The following HDAC4 variants were observed in gnomAD, a reference collection of about 807,000 sequenced individuals.
The protein encoded by HDAC4 is histone deacetylase A.
Under a neutral mutation model 135.1 loss-of-function variants are expected in HDAC4, and 16 were observed. That is an observed-to-expected ratio of 0.12 (90% confidence interval 0.08 to 0.18). The LOEUF (loss-of-function observed/expected upper bound fraction) is 0.18, where lower values mean the gene tolerates loss of function less well. Among genes scored for constraint, HDAC4 ranks in the 10% least tolerant of loss-of-function variants. The pLI, the probability that HDAC4 is intolerant of heterozygous loss-of-function variation, is 1.00. For synonymous variants in HDAC4, 685 were observed against 653.4 expected (o/e 1.05, Z -0.74); for missense variants, 1,143 against 1,511.8 (o/e 0.76, Z 4.05).
chr2:239,316,789 C>G (rs553205226), intron 2 of HDAC4, among the ~76,000 whole-genome samples: 1 of 152,302 alleles, frequency 6.6e-6, no homozygotes, highest in South Asian at 2.1e-4. Flanking sequence ...GAAAGGGTAG[C>G]TCATGGGGAC....
At chr2:239,096,295 A>C (rs1244930823) in intron 16 of HDAC4, among the ~76,000 whole-genome samples, 1 of 151,886 alleles carries the variant, frequency 6.6e-6, no homozygotes, top group Non-Finnish European at 1.5e-5. Flanking sequence ...GAAGCTAAAC[A>C]GAGGCCTGCT....
chr2:239,290,278 A>G (rs193289466), intron 2 of HDAC4, among the ~76,000 whole-genome samples: 1 of 152,310 alleles, frequency 6.6e-6, no homozygotes. Context: ...TTCCTTAACT[A>G]TAAAGAAACA....
intron 2 of HDAC4, among the ~76,000 whole-genome samples, chr2:239,253,883 G>A (rs1289876691): frequency 1.3e-5 from 2 of 152,142 alleles, no homozygotes; most frequent in Non-Finnish European, 2.9e-5. Context: ...AGGAGAGGTG[G>A]CCATGAGCGT....
chr2:239,136,602 C>T (rs939226450), intron 9 of HDAC4, among the ~76,000 whole-genome samples: 6 of 152,160 alleles, frequency 3.9e-5, no homozygotes, highest in South Asian at 2.1e-4. Flanking sequence ...AGTGAAGAGA[C>T]GACCTGTGGG....
chr2:239,384,832 C>A (rs1459126249), intron 1 of HDAC4, among the ~76,000 whole-genome samples: 1 of 152,134 alleles, frequency 6.6e-6, no homozygotes, highest in African/African-American at 2.4e-5. Flanking sequence ...AATACAACAG[C>A]TTAAATAAAA....
At chr2:239,214,575 G>A (rs1472786283) in intron 3 of HDAC4, among the ~76,000 whole-genome samples, 2 of 152,360 alleles carry the variant, frequency 1.3e-5, no homozygotes, top group African/African-American at 4.8e-5. Context: ...ATTGGGGCCA[G>A]GTGAGGAGGC....
At chr2:239,061,035 A>G (rs2032617530) in intron 24 of HDAC4, among the ~76,000 whole-genome samples, 1 of 152,228 alleles carries the variant, frequency 6.6e-6, no homozygotes, top group Admixed American at 6.5e-5. Context: ...GCCCGGATGG[A>G]AAGAGGAGCA....
intron 24 of HDAC4, among the ~76,000 whole-genome samples, chr2:239,056,821 C>T (rs1052350042): frequency 3.3e-5 from 5 of 152,230 alleles, no homozygotes; most frequent in African/African-American, 1.2e-4. Flanking sequence ...GTCAGTGAGC[C>T]GTGCTGGCAG....
intron 3 of HDAC4, among the ~76,000 whole-genome samples, chr2:239,210,517 C>T (rs1302600789): frequency 1.3e-5 from 2 of 152,122 alleles, no homozygotes; most frequent in Non-Finnish European, 2.9e-5. Flanking sequence ...TGGTGAATGG[C>T]TTTACTACAA....
chr2:239,059,018 CAGTGCAATTTGTT>C (rs1349527165), intron 24 of HDAC4, among the ~76,000 whole-genome samples: 1 of 152,180 alleles, frequency 6.6e-6, no homozygotes, highest in Non-Finnish European at 1.5e-5. Flanking sequence ...TTTCTTACCA[CAGTGCAATTTGTT>C]AGAAATTGAT....
At chr2:239,286,827 C>A (rs551361271) in intron 2 of HDAC4, among the ~76,000 whole-genome samples, 1 of 152,288 alleles carries the variant, frequency 6.6e-6, no homozygotes, top group Non-Finnish European at 1.5e-5. Flanking sequence ...AAAAAGAAAA[C>A]TCACCTCCAA....
chr2:239,068,449 G>T lies in HDAC4; in HGVS notation c.2869+40C>A. 1 of 1,405,600 alleles carries T rather than the reference G, an allele frequency of 7.1e-7. No individual in the cohort carries two copies. Among genetic ancestry groups the T allele is most frequent in the South Asian group, 1.1e-5 (1 of 87,020 alleles). The allele number at this position is 1,405,600 out of a possible 1,614,324, so 87.1% of individuals were successfully genotyped here. A position where few individuals can be genotyped will look rare whatever the true frequency, so the allele number is the denominator to read the frequency against. On this transcript the variant is annotated intron_variant, in intron 23 of 26. Coordinates refer to ENST00000543185, the MANE Select transcript of HDAC4 (RefSeq NM_001378414.1). This position sits in a 1 kb window ranked among gnomAD's most constrained non-coding sequence, Gnocchi z 4.4. ...GCGGAACACAGCGGATCATGGACAT[G>T]AGCAGAACCGGCTCCTCAGTCATAT...
chr2:239,055,033 T>C (rs1330171931), intron 24 of HDAC4, among the ~76,000 whole-genome samples, 200 bp from the exon 25 acceptor site: 1 of 152,134 alleles, frequency 6.6e-6, no homozygotes, highest in African/African-American at 2.4e-5. Flanking sequence ...GATTTTTTTT[T>C]AGGACGCTAT....
At chr2:239,121,708 TGAG>T (rs750279963) in intron 12 of HDAC4, among the ~76,000 whole-genome samples, 4 of 152,232 alleles carry the variant, frequency 2.6e-5, no homozygotes, top group South Asian at 2.1e-4. Context: ...AGGCAGGGCC[TGAG>T]GAGGATGTCA....
chr2:239,160,314 C>A (rs567996018), intron 6 of HDAC4, among the ~76,000 whole-genome samples: 14 of 152,228 alleles, frequency 9.2e-5, no homozygotes, highest in Non-Finnish European at 1.5e-4. Context: ...CCATGCTCTG[C>A]ATCTATGGCA....
chr2:239,225,087 C>T (rs987723109), intron 3 of HDAC4, among the ~76,000 whole-genome samples: 3 of 151,960 alleles, frequency 2.0e-5, no homozygotes, highest in African/African-American at 7.3e-5. Flanking sequence ...TTCAGACTTT[C>T]GGGAAACAAA....
rs1485011015 is a variant in HDAC4, at chr2:239,281,076, C to T, written c.23-44412G>A. On this transcript the variant is annotated intron_variant, in intron 2 of 26. Transcript: ENST00000543185. Reference sequence around the variant, plus strand: ...GTACACACCACTCTTAATGTACACACGACTCTCAATGTACACACCACTCTA... The same window carrying T: ...GTACACACCACTCTTAATGTACACATGACTCTCAATGTACACACCACTCTA... Among the ~76,000 whole-genome samples the T allele has an allele frequency of 6.1e-5, 8 of 130,760 alleles. 2 individuals are homozygous for T. The highest frequency in any genetic ancestry group is 8.8e-5 in the African/African-American group (3 of 34,216). The allele number at this position is 130,760 out of a possible 152,430, so 85.8% of individuals were successfully genotyped here.
intron 12 of HDAC4, among the ~76,000 whole-genome samples, chr2:239,117,272 G>A (rs556416742): frequency 2.6e-5 from 4 of 152,308 alleles, no homozygotes; most frequent in East Asian, 1.9e-4. Flanking sequence ...GCAGGTGCAC[G>A]TTCTAGAAGC....
At chr2:239,311,056 C>A (rs531334411) in intron 2 of HDAC4, among the ~76,000 whole-genome samples, 3 of 152,372 alleles carry the variant, frequency 2.0e-5, no homozygotes, top group South Asian at 2.1e-4. Flanking sequence ...GACAGGCAGG[C>A]CTTCTTGGCT....
Sources: allele counts gnomAD v4.1 joint callset (sites outside exome capture counted in the v4.1 genomes callset), GRCh38; gene constraint gnomAD v4.1.1; non-coding constraint Gnocchi (gnomAD v3.1); transcripts MANE v1.5; gene names NCBI Gene and HGNC (gene_info 2026-07-23, HGNC 2026-07-21).